Variants in DHX35 observed in about 807,000 individuals in gnomAD.
DHX35 encodes the protein DEAH-box helicase 35.
Under a neutral mutation model 99.6 loss-of-function variants are expected in DHX35, and 84 were observed. The ratio of observed to expected loss-of-function variants is 0.84; its 90% CI spans 0.71 to 1.01. The LOEUF (loss-of-function observed/expected upper bound fraction) is 1.01, where lower values mean the gene tolerates loss of function less well. Among genes scored for constraint, DHX35 ranks in the 50% least tolerant of loss-of-function variants. DHX35 has a pLI of 0.00. For synonymous variants in DHX35, 331 were observed against 316.2 expected, an observed-to-expected ratio of 1.05 and a Z score of -0.50; for missense variants, 852 against 888.5, an observed-to-expected ratio of 0.96 and a Z score of 0.52.
At chr20:38,978,131 C>T (rs2086111454) in intron 3 of DHX35, 1 of 783,986 alleles carries the variant, frequency 1.3e-6, no homozygotes, top group East Asian at 2.4e-5. Flanking sequence ...TGTAAGACCA[C>T]CGGTGGTATT....
At chr20:39,030,900 C>G (rs1600454083) in intron 20 of DHX35, 125 bp downstream of exon 20, 1 of 1,027,322 alleles carries the variant, frequency 9.7e-7, no homozygotes. Context: ...TGGTGGCTCA[C>G]GCCTGTAATC....
At position 39,023,832 on chromosome 20, in the gene DHX35, G is replaced by C. The variant is rs1405391512; in HGVS notation, c.1671+65G>C. The stretch of plus-strand genomic sequence containing the variant: ...CACCCTCTGGAGGTGATCTAGGAGG[G>C]AGGATCCCAGAAGTTCAGTTCGTAA... On this transcript the variant is annotated intron_variant, in intron 17 of 21. Transcript: ENST00000252011. The C allele has an allele frequency of 3.6e-6, 5 of 1,372,368 alleles. No homozygotes were observed. In the Admixed American group the frequency reaches 8.7e-5, roughly 24 times the overall value. The allele number at this position is 1,372,368 out of a possible 1,614,324, so 85.0% of individuals were successfully genotyped here. A position where few individuals can be genotyped will look rare whatever the true frequency, so the allele number is the denominator to read the frequency against.
At chr20:38,994,974 G>A in intron 8 of DHX35, 94 bp downstream of exon 8, 1 of 1,081,194 alleles carries the variant, frequency 9.2e-7, no homozygotes, top group Non-Finnish European at 1.4e-6. Context: ...CTTATCTTTG[G>A]CAGAATGCCC....
chr20:39,028,339 G>C, intron 18 of DHX35, 79 bp from the exon 19 acceptor site: 1 of 1,414,494 alleles, frequency 7.1e-7, no homozygotes, highest in Admixed American at 1.7e-5. Context: ...GGTGCTGGGA[G>C]TGGATCCTGT....
chr20:39,009,814 C>T (rs1347686476), intron 12 of DHX35, among the ~76,000 whole-genome samples: 1 of 152,044 alleles, frequency 6.6e-6, no homozygotes, highest in African/African-American at 2.4e-5. Context: ...TATTGTGTAC[C>T]TGGCTTGTTG....
At chr20:38,970,356 A>T (rs887565979) in intron 2 of DHX35, among the ~76,000 whole-genome samples, 2 of 152,176 alleles carry the variant, frequency 1.3e-5, no homozygotes, top group African/African-American at 4.8e-5. Flanking sequence ...TTGGAGTTTT[A>T]TGTGGCTCCC....
At chr20:38,972,442 TTCTACTTA>T in intron 2 of DHX35, 109 bp from the exon 3 acceptor site, 1 of 664,184 alleles carries the variant, frequency 1.5e-6, no homozygotes, top group Non-Finnish European at 2.6e-6. Context: ...ATTTTGATAG[TTCTACTTA>T]AAATTCACTT....
At chr20:38,986,295 A>T (rs1274475191) in intron 4 of DHX35, among the ~76,000 whole-genome samples, 1 of 151,984 alleles carries the variant, frequency 6.6e-6, no homozygotes, top group Non-Finnish European at 1.5e-5. Flanking sequence ...AACTAAAGTG[A>T]TAGAGATAAA....
At chr20:38,972,070 A>G (rs565762995) in intron 2 of DHX35, among the ~76,000 whole-genome samples, 17 of 132,206 alleles carry the variant, frequency 1.3e-4, no homozygotes, top group Non-Finnish European at 2.4e-4. Flanking sequence ...GTGCAGTGGC[A>G]TGGTCTCGCC....
chr20:38,994,729 C>A, intron 7 of DHX35, 92 bp from the exon 8 acceptor site: 3 of 943,964 alleles, frequency 3.2e-6, no homozygotes, highest in Middle Eastern at 2.6e-4. Flanking sequence ...AAAAAAAAGA[C>A]ACTGAATTTT....
Position 38,973,797 on chromosome 20 carries a change from C to T in DHX35, c.267+1146C>T, listed in dbSNP as rs2086037048. Among the ~76,000 whole-genome samples the T allele has an allele frequency of 2.0e-5, 3 of 152,184 alleles. No homozygotes were observed. The South Asian group carries it at 6.2e-4, about 31-fold the overall frequency. ...GCCGGTGGCTCCTTTCAGGCTACCA[C>T]ACAGGGTTGAACAGTTTTGACAGAG... On this transcript the variant is annotated intron_variant, in intron 3 of 21. Coordinates refer to ENST00000252011, the MANE Select transcript of DHX35 (RefSeq NM_021931.4).
chr20:39,001,986 A>G, intron 9 of DHX35, 144 bp downstream of exon 9: 1 of 741,164 alleles, frequency 1.3e-6, no homozygotes, highest in Non-Finnish European at 2.3e-6. Context: ...GAATGTTCTT[A>G]CCCTGCTCCG....
At position 38,969,205 on chromosome 20, in the gene DHX35, G is replaced by C; in HGVS notation, c.165G>C (p.Pro55=). 6.2e-7 allele frequency: 1 copy of C among 1,605,880 alleles called. No individual in the cohort carries two copies. The highest frequency in any genetic ancestry group is 1.3e-5 in the African/African-American group (1 of 74,558). The stretch of plus-strand genomic sequence containing the variant: ...TAGAGCAGCAGAGGCAGAAGCTGCC[G>C]GTATTCAAGGTACGTCAAATAATCA... ...LSIEQQRQKL[P]VFKLRNHILY... is the part of the protein sequence containing the mutation. The change falls in exon 2 of 22, where the codon CCG becomes CCC. Residue 55 remains proline (P), a synonymous_variant. Transcript: ENST00000252011.
intron 16 of DHX35, among the ~76,000 whole-genome samples, chr20:39,023,297 T>C (rs1413779053): frequency 6.6e-6 from 1 of 152,240 alleles, no homozygotes; most frequent in African/African-American, 2.4e-5. Context: ...ACTAGGTCTT[T>C]CTGAATCCAT....
chr20:39,021,960 G>C, intron 16 of DHX35, 25 bp downstream of exon 16: 1 of 1,608,948 alleles, frequency 6.2e-7, no homozygotes, highest in Non-Finnish European at 8.5e-7. Flanking sequence ...TCCCCAGGCT[G>C]TCTGTACCAG....
At chr20:38,991,830 A>G (rs2145875136) in intron 6 of DHX35, among the ~76,000 whole-genome samples, 1 of 152,344 alleles carries the variant, frequency 6.6e-6, no homozygotes, top group South Asian at 2.1e-4. Context: ...TAAATGTAAT[A>G]TACAGAGTCC....
At chr20:38,984,009 A>C (rs2086213954) in intron 4 of DHX35, among the ~76,000 whole-genome samples, 2 of 152,166 alleles carry the variant, frequency 1.3e-5, no homozygotes, top group African/African-American at 2.4e-5. Flanking sequence ...TCCTGGGTTC[A>C]AGCAATTCTC....
At chr20:39,012,821 G>A (rs2086725837) in intron 13 of DHX35, among the ~76,000 whole-genome samples, 1 of 152,178 alleles carries the variant, frequency 6.6e-6, no homozygotes, top group African/African-American at 2.4e-5. Flanking sequence ...GTGAGCCACT[G>A]TGCGCAGTTG....
At chr20:39,015,137 A>G (rs892861245) in intron 14 of DHX35, among the ~76,000 whole-genome samples, 7 of 152,220 alleles carry the variant, frequency 4.6e-5, no homozygotes, top group African/African-American at 1.2e-4. Flanking sequence ...GACAGCCAGT[A>G]TATAAAACAT....
Sources: allele counts gnomAD v4.1 joint callset (sites outside exome capture counted in the v4.1 genomes callset), GRCh38; gene constraint gnomAD v4.1.1; transcripts MANE v1.5; gene names NCBI Gene and HGNC (gene_info 2026-07-23, HGNC 2026-07-21).